Variants in SV2B observed in about 807,000 individuals in gnomAD.
SV2B encodes solute carrier family 22 member B2.
Under a neutral mutation model 73.9 loss-of-function variants are expected in SV2B, and 41 were observed. That is an observed-to-expected ratio of 0.56 (90% CI 0.43 to 0.72). SV2B has a LOEUF of 0.72. Ranked by LOEUF, SV2B falls within the 30% of genes least tolerant of loss-of-function variation. The pLI is 0.00. For missense variants in SV2B, 764 were observed against 857.8 expected (o/e 0.89, Z 1.37); for synonymous variants, 314 against 314.2 (o/e 1.00, Z 0.01).
At chr15:91,170,643 A>G (rs2044090217) in intron 1 of SV2B, among the ~76,000 whole-genome samples, 1 of 152,226 alleles carries the variant, frequency 6.6e-6, no homozygotes, top group Admixed American at 6.5e-5. Flanking sequence ...GTTTAAAAAT[A>G]CATTAAAAAT....
At chr15:91,209,901 G>T (rs1193105005) in intron 1 of SV2B, among the ~76,000 whole-genome samples, 1 of 152,144 alleles carries the variant, frequency 6.6e-6, no homozygotes, top group Non-Finnish European at 1.5e-5. Flanking sequence ...AAAACACTAG[G>T]CTTTAGCACT....
chr15:91,117,160 G>T (rs553251194), intron 1 of SV2B, among the ~76,000 whole-genome samples: 1 of 152,178 alleles, frequency 6.6e-6, no homozygotes, highest in Non-Finnish European at 1.5e-5. Flanking sequence ...CCTGCTTTTT[G>T]TTCCATGGTG....
Position 91,281,877 on chromosome 15 carries a change from G to T in SV2B, c.1507+16G>T. 1.3e-6 allele frequency: 2 copies of T among 1,598,054 alleles called. No homozygotes were observed. The highest frequency in any genetic ancestry group is 2.2e-5 in the South Asian group (2 of 89,440). ...TACAACACAGGTAGGTAAGAACATT[G>T]ACAGATTGAATAGAAAGTAACAGGA... is the stretch of plus-strand genomic sequence containing the variant. On this transcript the variant is annotated intron_variant, in intron 10 of 12. Coordinates refer to ENST00000394232, the MANE Select transcript of SV2B (RefSeq NM_001323032.3). The surrounding 1 kb of genome is among the most constrained non-coding windows in gnomAD (Gnocchi z 4.7).
chr15:91,158,713 C>CCTCTA (rs2043596868), intron 1 of SV2B, among the ~76,000 whole-genome samples: 1 of 76,118 alleles, frequency 1.3e-5, no homozygotes, highest in African/African-American at 5.6e-5. Flanking sequence ...CCTCTCCTCT[C>CCTCTA]CTCTCCTCTC....
rs1161300761 is a variant in SV2B, at chr15:91,234,096, T to C, written c.451+7382T>C. 6.6e-6 allele frequency among the ~76,000 whole-genome samples: 1 copy of C among 152,174 alleles called. No individual in the cohort carries two copies. The highest frequency in any genetic ancestry group is 1.5e-5 in the Non-Finnish European group (1 of 68,024). ...TATTTGTTTCATTGGTTGGCTGAAATGTAGACCAAAATGTGGCCCATAGTA... is the reference window on the plus strand; with the variant it reads ...TATTTGTTTCATTGGTTGGCTGAAACGTAGACCAAAATGTGGCCCATAGTA... On this transcript the variant is annotated intron_variant, in intron 2 of 12. Coordinates refer to ENST00000394232, the MANE Select transcript of SV2B (RefSeq NM_001323032.3). This position sits in a 1 kb window ranked among gnomAD's most constrained non-coding sequence, Gnocchi z 5.6.
At chr15:91,177,533 G>A (rs200426060) in intron 1 of SV2B, among the ~76,000 whole-genome samples, 2 of 137,184 alleles carry the variant, frequency 1.5e-5, no homozygotes, top group Admixed American at 7.2e-5. Context: ...AGCATGGAAT[G>A]TTCTTCCATT....
chr15:91,150,275 G>T (rs1222947283), intron 1 of SV2B, among the ~76,000 whole-genome samples: 1 of 151,976 alleles, frequency 6.6e-6, no homozygotes, highest in African/African-American at 2.4e-5. Flanking sequence ...CCAAAGTGCT[G>T]GGATTACAGA....
At chr15:91,203,449 A>G (rs1268041799) in intron 1 of SV2B, among the ~76,000 whole-genome samples, 2 of 152,286 alleles carry the variant, frequency 1.3e-5, no homozygotes, top group East Asian at 3.8e-4. Flanking sequence ...AGCATTTTAA[A>G]AAGCATCAAG....
Position 91,292,417 on chromosome 15 carries a change from C to G in SV2B, c.1917C>G (p.Ile639Met). The change falls in exon 13 of 13, where the codon ATC becomes ATG. Residue 639 changes from isoleucine to methionine, a missense_variant. By Grantham distance (10) the Ile-to-Met change is conservative (BLOSUM62 1). Transcript: ENST00000394232. Reference sequence around the variant, plus strand: ...ATGGATTATGCAAATTTGGCGCCATCCTGGGAAACACCATCTTTGCTTCTT... The same window carrying G: ...ATGGATTATGCAAATTTGGCGCCATGCTGGGAAACACCATCTTTGCTTCTT... ...ILNGLCKFGA[I>M]LGNTIFASFV... is the part of the protein sequence containing the mutation. The G allele has an allele frequency of 6.2e-7, 1 of 1,614,148 alleles. No individual in the cohort carries two copies. Among genetic ancestry groups the G allele is most frequent in the South Asian group, 1.1e-5 (1 of 91,074 alleles).
At chr15:91,181,072 G>A (rs1294196374) in intron 1 of SV2B, among the ~76,000 whole-genome samples, 2 of 152,132 alleles carry the variant, frequency 1.3e-5, no homozygotes, top group African/African-American at 4.8e-5. Context: ...TGGGTTTTTG[G>A]TGTGGATGTC....
At chr15:91,192,178 T>C (rs568623028) in intron 1 of SV2B, among the ~76,000 whole-genome samples, 23 of 152,210 alleles carry the variant, frequency 1.5e-4, no homozygotes, top group Non-Finnish European at 3.1e-4. Context: ...TTTCCTTCCA[T>C]GCCTAGCAGG....
chr15:91,287,480 T>C (rs2048898603), intron 11 of SV2B, among the ~76,000 whole-genome samples: 1 of 152,178 alleles, frequency 6.6e-6, no homozygotes, highest in Non-Finnish European at 1.5e-5. Context: ...TTTGCCATGT[T>C]CTGCATCCAC....
chr15:91,216,743 A>G (rs1357751696), intron 1 of SV2B, among the ~76,000 whole-genome samples: 1 of 148,554 alleles, frequency 6.7e-6, no homozygotes, highest in Non-Finnish European at 1.5e-5. Flanking sequence ...AGTGCTAGCC[A>G]CTGTACCTGG....
chr15:91,289,851 G>A lies in SV2B; in HGVS notation c.1868+171G>A, dbSNP rs1377813987. ...CCTGCATGGTGGATGGCATAGACCTGAAAGTTGGCAGGCTAGGGCTTGGAT... is the reference window on the plus strand; with the variant it reads ...CCTGCATGGTGGATGGCATAGACCTAAAAGTTGGCAGGCTAGGGCTTGGAT... On this transcript the variant is annotated intron_variant, in intron 12 of 12. Transcript: ENST00000394232. The surrounding 1 kb of genome is among the most constrained non-coding windows in gnomAD (Gnocchi z 4.9). Among the ~76,000 whole-genome samples, 1 of 152,226 alleles carries A rather than the reference G, an allele frequency of 6.6e-6. No homozygotes were observed. The highest frequency in any genetic ancestry group is 1.5e-5 in the Non-Finnish European group (1 of 68,028).
chr15:91,268,970 G>C lies in SV2B; in HGVS notation c.1373+365G>C, dbSNP rs1201687491. On this transcript the variant is annotated intron_variant, in intron 9 of 12. Transcript: ENST00000394232. The surrounding 1 kb of genome is among the most constrained non-coding windows in gnomAD (Gnocchi z 4.4). ...AGATTCCCGAACTAGTCCAAAGCCTGGGTGTTGAGCTTTTACTTTGACCCT... is the reference window on the plus strand; with the variant it reads ...AGATTCCCGAACTAGTCCAAAGCCTCGGTGTTGAGCTTTTACTTTGACCCT... Among the ~76,000 whole-genome samples the C allele has an allele frequency of 1.3e-5, 2 of 152,192 alleles. No individual in the cohort carries two copies. The highest frequency in any genetic ancestry group is 2.9e-5 in the Non-Finnish European group (2 of 68,036).
intron 1 of SV2B, among the ~76,000 whole-genome samples, chr15:91,157,875 G>A (rs988614585): frequency 2.0e-5 from 3 of 152,146 alleles, no homozygotes; most frequent in Non-Finnish European, 4.4e-5. Flanking sequence ...AATACTCTGT[G>A]TGCCTCCCAC....
chr15:91,237,476 A>G (rs1017188512), intron 2 of SV2B, among the ~76,000 whole-genome samples: 12 of 152,352 alleles, frequency 7.9e-5, no homozygotes, highest in African/African-American at 2.4e-4. Flanking sequence ...TAACTGCCCA[A>G]TAGAATCACC....
At chr15:91,274,035 G>A (rs2048403962) in intron 9 of SV2B, among the ~76,000 whole-genome samples, 1 of 150,716 alleles carries the variant, frequency 6.6e-6, no homozygotes, top group South Asian at 2.1e-4. Context: ...ACTCTGTTGG[G>A]GGAGAAAACT....
intron 1 of SV2B, among the ~76,000 whole-genome samples, chr15:91,179,414 T>C (rs1039464999): frequency 2.0e-5 from 3 of 152,342 alleles, no homozygotes; most frequent in African/African-American, 4.8e-5. Flanking sequence ...TAGGTCCTCT[T>C]GGTGCAGAGC....
Sources: gnomAD v4.1 joint callset for allele counts (sites outside exome capture counted in the v4.1 genomes callset) on GRCh38, gnomAD v4.1.1 for gene constraint, Gnocchi (gnomAD v3.1) non-coding constraint, MANE v1.5 for transcripts, NCBI Gene and HGNC (gene_info 2026-07-23, HGNC 2026-07-21) for gene names.